ZNF804B: variants seen among roughly 807,000 people sequenced by gnomAD.
ZNF804B encodes zinc finger 804B.
ZNF804B carries 80 observed loss-of-function variants against 101.4 expected under a neutral mutation model. The observed-to-expected ratio is 0.79, with a 90% CI of 0.66 to 0.95. The LOEUF (loss-of-function observed/expected upper bound fraction) is 0.95, where lower values mean the gene tolerates loss of function less well. ZNF804B is among the 40% of genes least tolerant of loss of function. ZNF804B has a pLI of 0.00. For synonymous variants in ZNF804B, 622 were observed against 558.8 expected (o/e 1.11, Z -1.59); for missense variants, 1,673 against 1,561.9 (o/e 1.07, Z -1.20).
intron 1 of ZNF804B, among the ~76,000 whole-genome samples, chr7:89,134,852 A>G (rs952730278): frequency 2.6e-5 from 4 of 151,958 alleles, no homozygotes; most frequent in Admixed American, 6.6e-5. Context: ...CAAAGAGAAA[A>G]TGTTTTTGAG....
intron 1 of ZNF804B, among the ~76,000 whole-genome samples, chr7:88,889,869 T>G (rs1168650034): frequency 6.6e-6 from 1 of 152,140 alleles, no homozygotes; most frequent in Non-Finnish European, 1.5e-5. Flanking sequence ...TTCAGAAAAG[T>G]GTTTCCTAGC....
chr7:89,171,279 GCTGCTGCTGCTTCTTCTTCTT>G (rs1457670715), intron 1 of ZNF804B, among the ~76,000 whole-genome samples: 25 of 70,540 alleles, frequency 3.5e-4, no homozygotes, highest in Admixed American at 6.4e-4. Flanking sequence ...CACAAATAAT[GCTGCTGCTGCTTCTTCTTCTT>G]CTTCTTCTTC....
chr7:89,199,889 T>C (rs562656781), intron 1 of ZNF804B, among the ~76,000 whole-genome samples: 3 of 148,378 alleles, frequency 2.0e-5, no homozygotes, highest in East Asian at 3.9e-4. Flanking sequence ...TATTATATAA[T>C]ATATGTATAA....
chr7:89,183,682 T>G (rs1431745116), intron 1 of ZNF804B, among the ~76,000 whole-genome samples: 1 of 152,186 alleles, frequency 6.6e-6, no homozygotes, highest in Non-Finnish European at 1.5e-5. Context: ...AATAATACCT[T>G]CTTTTATGGC....
At chr7:89,009,874 A>G (rs947128001) in intron 1 of ZNF804B, among the ~76,000 whole-genome samples, 10 of 152,298 alleles carry the variant, frequency 6.6e-5, no homozygotes, top group African/African-American at 2.4e-4. Flanking sequence ...AGAAGCTGAA[A>G]TGAACTAAGG....
chr7:89,290,082 G>A (rs1375506168), intron 2 of ZNF804B, among the ~76,000 whole-genome samples: 2 of 152,102 alleles, frequency 1.3e-5, no homozygotes, highest in East Asian at 3.9e-4. Context: ...TCCCTAACTG[G>A]GATGATGACA....
chr7:89,203,482 AT>A (rs528530674), intron 1 of ZNF804B, among the ~76,000 whole-genome samples: 3 of 151,922 alleles, frequency 2.0e-5, no homozygotes, highest in South Asian at 4.1e-4. Flanking sequence ...CATTTTTTAA[AT>A]TTTTTTCTCA....
intron 1 of ZNF804B, among the ~76,000 whole-genome samples, chr7:88,773,453 T>C (rs944919236): frequency 1.2e-4 from 19 of 152,208 alleles, no homozygotes; most frequent in Non-Finnish European, 1.8e-4. Context: ...ACAAGTATTT[T>C]TTAAGAGTAT....
chr7:89,102,296 G>A (rs1370754685), intron 1 of ZNF804B, among the ~76,000 whole-genome samples: 1 of 151,944 alleles, frequency 6.6e-6, no homozygotes, highest in East Asian at 1.9e-4. Context: ...CCCACCAACA[G>A]TATGTGAGCA....
At chr7:89,240,380 G>A (rs531341201) in intron 2 of ZNF804B, among the ~76,000 whole-genome samples, 1 of 151,718 alleles carries the variant, frequency 6.6e-6, no homozygotes, top group African/African-American at 2.4e-5. Flanking sequence ...GTTTGTTCAT[G>A]TAAATCCCAT....
At chr7:89,246,849 G>A (rs1376063016) in intron 2 of ZNF804B, among the ~76,000 whole-genome samples, 1 of 151,594 alleles carries the variant, frequency 6.6e-6, no homozygotes, top group East Asian at 2.0e-4. Context: ...TGAGCAGATT[G>A]GCAACCTGAG....
intron 1 of ZNF804B, among the ~76,000 whole-genome samples, chr7:88,802,734 G>A (rs1790610328): frequency 6.6e-6 from 1 of 151,632 alleles, no homozygotes; most frequent in South Asian, 2.1e-4. Context: ...AAAAAAAAGG[G>A]AAAGAATGCA....
chr7:88,924,406 T>C (rs1039030907), intron 1 of ZNF804B, among the ~76,000 whole-genome samples: 4 of 152,200 alleles, frequency 2.6e-5, no homozygotes, highest in African/African-American at 9.6e-5. Context: ...TACTTTAGTT[T>C]ATACTTTTCT....
intron 2 of ZNF804B, among the ~76,000 whole-genome samples, chr7:89,324,784 A>T (rs1790873633): frequency 6.6e-6 from 1 of 150,576 alleles, no homozygotes; most frequent in Non-Finnish European, 1.5e-5. Context: ...TCCTGATAAT[A>T]TTTGATTGGA....
chr7:88,892,277 C>A (rs1172162256), intron 1 of ZNF804B, among the ~76,000 whole-genome samples: 1 of 151,826 alleles, frequency 6.6e-6, no homozygotes, highest in Middle Eastern at 3.2e-3. Context: ...TTTCTTTATT[C>A]TTGAAGTATA....
intron 1 of ZNF804B, among the ~76,000 whole-genome samples, chr7:88,994,161 T>A (rs1793886818): frequency 6.6e-6 from 1 of 152,044 alleles, no homozygotes; most frequent in African/African-American, 2.4e-5. Flanking sequence ...TCTGAGTGAT[T>A]TAATTCTTTC....
At chr7:89,209,748 T>A (rs187972782) in intron 1 of ZNF804B, among the ~76,000 whole-genome samples, 31 of 152,326 alleles carry the variant, frequency 2.0e-4, no homozygotes, top group Admixed American at 1.8e-3. Context: ...TCTCTGCCTT[T>A]TTATTATTAT....
rs115931744 is a variant in ZNF804B at position 89,256,111 on chromosome 7, G to A, written c.249+37816G>A. On this transcript the variant is annotated intron_variant, in intron 2 of 3. Transcript: ENST00000333190. ...TTTTTCTTAAAATAATTTAGCATGG[G>A]TCTGCTTTGTGACCAAGCAAATTCA... Among the ~76,000 whole-genome samples the A allele has an allele frequency of 5.2e-3, 785 of 152,200 alleles. 7 individuals carry two copies. Among genetic ancestry groups the A allele is most frequent in the African/African-American group, 0.018 (762 of 41,506 alleles).
intron 1 of ZNF804B, among the ~76,000 whole-genome samples, chr7:88,871,655 C>T (rs927379783): frequency 8.6e-5 from 13 of 151,976 alleles, no homozygotes; most frequent in African/African-American, 2.7e-4. Context: ...TTCCATTTGT[C>T]GAAGGCAATG....
Sources: allele counts gnomAD v4.1 joint callset (sites outside exome capture counted in the v4.1 genomes callset), GRCh38; gene constraint gnomAD v4.1.1; transcripts MANE v1.5; gene names NCBI Gene and HGNC (gene_info 2026-07-23, HGNC 2026-07-21).